NUP210: variants seen among roughly 807,000 people sequenced by gnomAD.
NUP210 encodes the protein nuclear pore membrane glycoprotein 210.
Under a neutral mutation model 196.0 loss-of-function variants are expected in NUP210, and 151 were observed. The ratio of observed to expected loss-of-function variants is 0.77; its 90% CI spans 0.67 to 0.88. The LOEUF is 0.88. NUP210 is among the 40% of genes least tolerant of loss of function. The pLI, the probability that NUP210 is intolerant of heterozygous loss-of-function variation, is 0.00. For synonymous variants in NUP210, 1,070 were observed against 1,052.7 expected, an observed-to-expected ratio of 1.02 and a Z score of -0.32; for missense variants, 2,314 against 2,493.7, an observed-to-expected ratio of 0.93 and a Z score of 1.53.
chr3:13,337,818 G>C lies in NUP210; in HGVS notation c.3552+19C>G. 4 of 1,599,490 alleles carry C rather than the reference G, an allele frequency of 2.5e-6. No homozygotes were observed. The highest frequency in any genetic ancestry group is 3.3e-4 in the Middle Eastern group (2 of 6,024). On this transcript the variant is annotated intron_variant, in intron 26 of 39. Coordinates refer to ENST00000254508, the MANE Select transcript of NUP210 (RefSeq NM_024923.4). ...GGCTCTTCGGGAACCAGGATTCAGA[G>C]CCCAGGAGGTCCCCTCACCTGGGTG...
At chr3:13,406,765 CCTT>C (rs937220666) in intron 1 of NUP210, among the ~76,000 whole-genome samples, 12 of 152,342 alleles carry the variant, frequency 7.9e-5, no homozygotes, top group Middle Eastern at 3.4e-3. Context: ...GCACACCTGT[CCTT>C]CTTCTCTGCA....
intron 15 of NUP210, among the ~76,000 whole-genome samples, chr3:13,358,756 G>A (rs1447613667): frequency 1.3e-5 from 2 of 152,212 alleles, no homozygotes; most frequent in Non-Finnish European, 2.9e-5. Flanking sequence ...CCATATGGAG[G>A]TGAAAACACC....
Position 13,330,532 on chromosome 3 carries a change from G to A in NUP210, c.4038C>T (p.Ile1346=), listed in dbSNP as rs138639381. ...EKGFLASGSM[I]GTSTIEVIAQ... is the part of the protein sequence containing the mutation. ...CAATCACTTCGATGGTGGATGTCCCGATCATAGACCCTGATGCTAGAAAGC... is the reference window on the plus strand; with the variant it reads ...CAATCACTTCGATGGTGGATGTCCCAATCATAGACCCTGATGCTAGAAAGC... Residue 1346 remains isoleucine, a synonymous_variant, in exon 30 of 40, where the codon ATC becomes ATT. Coordinates refer to ENST00000254508, the MANE Select transcript of NUP210 (RefSeq NM_024923.4). 4,240 of 1,614,192 alleles carry A rather than the reference G, an allele frequency of 2.6e-3. 15 individuals are homozygous for A. The highest frequency in any genetic ancestry group is 2.7e-3 in the Non-Finnish European group (3,185 of 1,180,020).
intron 1 of NUP210, among the ~76,000 whole-genome samples, chr3:13,414,243 G>A (rs374384329): frequency 3.9e-5 from 6 of 152,388 alleles, no homozygotes; most frequent in East Asian, 1.9e-4. Flanking sequence ...CCCTAACGGT[G>A]CCCAAAGGCA....
Position 13,402,259 on chromosome 3 carries a change from G to C in NUP210, c.168-2398C>G, listed in dbSNP as rs1021825671. ...AAAGAATAAAGAAAATAAAGTCTAT[G>C]GGGGGAAAAGAGAATTCATCATTTC... On this transcript the variant is annotated intron_variant, in intron 1 of 39. Coordinates refer to ENST00000254508, the MANE Select transcript of NUP210 (RefSeq NM_024923.4). Among the ~76,000 whole-genome samples, 4 of 152,112 alleles carry C rather than the reference G, an allele frequency of 2.6e-5. 1 individual carries two copies. The highest frequency in any genetic ancestry group is 4.1e-4 in the South Asian group (2 of 4,822).
At chr3:13,318,318 C>T (rs1370595387) in intron 39 of NUP210, among the ~76,000 whole-genome samples, 6 of 152,138 alleles carry the variant, frequency 3.9e-5, no homozygotes, top group Non-Finnish European at 5.9e-5. Flanking sequence ...CCCTGGGTGC[C>T]GCTTTGCAGG....
rs771819748 is a variant in NUP210 at position 13,340,287 on chromosome 3, C to T, written c.3240G>A (p.Pro1080=). The part of the protein sequence containing the change: ...SAPQQIEVFP[P]FRLMPRKVTL... ...TCACCTTCCTGGGCATCAGCCTGAA[C>T]GGGGGAAAGACCTGTTGAGAGACAC... Residue 1080 remains proline, a synonymous_variant, in exon 24 of 40, where the codon CCG becomes CCA. Transcript: ENST00000254508. The surrounding 1 kb of genome is among the most constrained non-coding windows in gnomAD (Gnocchi z 4.0). 38 of 1,613,262 alleles carry T rather than the reference C, an allele frequency of 2.4e-5. No homozygotes were observed. The Middle Eastern group carries it at 4.9e-4, about 21-fold the overall frequency.
At chr3:13,415,513 TG>T (rs1382406422) in intron 1 of NUP210, among the ~76,000 whole-genome samples, 5 of 152,090 alleles carry the variant, frequency 3.3e-5, no homozygotes, top group Admixed American at 3.3e-4. Context: ...CCTAGGTGTG[TG>T]GGGATGCAGC....
intron 11 of NUP210, among the ~76,000 whole-genome samples, chr3:13,374,590 A>G (rs1176723533): frequency 6.6e-6 from 1 of 152,044 alleles, no homozygotes; most frequent in Admixed American, 6.5e-5. Context: ...ACACACGCCC[A>G]TGACAGAGGC....
chr3:13,338,321 C>T (rs1261688577), intron 25 of NUP210, among the ~76,000 whole-genome samples: 3 of 152,218 alleles, frequency 2.0e-5, no homozygotes, highest in Non-Finnish European at 4.4e-5. Flanking sequence ...GGTACAGGGA[C>T]GAATGCAGGA....
chr3:13,388,189 CA>C (rs1699348890), intron 5 of NUP210, 113 bp downstream of exon 5: 6 of 729,206 alleles, frequency 8.2e-6, no homozygotes, highest in African/African-American at 1.8e-5. Flanking sequence ...CACGGGACAG[CA>C]TCTCACTTCC....
intron 21 of NUP210, 131 bp downstream of exon 21, chr3:13,343,044 A>G (rs558393554): frequency 9.0e-6 from 10 of 1,110,786 alleles, no homozygotes; most frequent in Non-Finnish European, 1.2e-5. Context: ...CAGCTCCGCA[A>G]GCTCACAGGG....
Position 13,316,991 on chromosome 3 carries a change from A to G in NUP210, c.*690T>C, listed in dbSNP as rs1486570462. The G allele has an allele frequency of 2.0e-5, 3 of 152,574 alleles. No individual in the cohort carries two copies. The highest frequency in any genetic ancestry group is 2.0e-4 in the Admixed American group (3 of 15,318). The allele number at this position is 152,574 out of a possible 1,614,324, so 9.5% of individuals were successfully genotyped here. ...CCATCAGATGTCTCAACGGCTTATG[A>G]AACAAAAACAGAGGACTGAAGTCTG... On this transcript the variant is annotated 3_prime_UTR_variant, in exon 40 of 40. Transcript: ENST00000254508.
Position 13,322,554 on chromosome 3 carries a change from G to A in NUP210, c.4769-215C>T, listed in dbSNP as rs895812262. On this transcript the variant is annotated intron_variant, in intron 34 of 39. Transcript: ENST00000254508. The stretch of plus-strand genomic sequence containing the variant: ...AAGAGGATGCCATCGGCATCACAGG[G>A]AGCTTCAAGTCAGAATTTCAGCATT... 1.2e-4 allele frequency among the ~76,000 whole-genome samples: 18 copies of A among 152,372 alleles called. 1 individual carries two copies. In the South Asian group the frequency reaches 3.5e-3, roughly 30 times the overall value.
intron 4 of NUP210, among the ~76,000 whole-genome samples, chr3:13,389,303 T>C (rs771577740): frequency 1.3e-5 from 2 of 152,192 alleles, no homozygotes; most frequent in Admixed American, 6.5e-5. Flanking sequence ...GAATGGGGTA[T>C]TGTCAGAAGG....
At chr3:13,386,428 G>A (rs1469691656) in intron 5 of NUP210, 21 bp from the exon 6 acceptor site, 3 of 1,613,752 alleles carry the variant, frequency 1.9e-6, no homozygotes, top group Non-Finnish European at 8.5e-7. Context: ...AGAAAAGGCA[G>A]ACAAAGTGAG....
chr3:13,420,051 G>T lies in NUP210; in HGVS notation c.167+9C>A. On this transcript the variant is annotated intron_variant, in intron 1 of 39. Coordinates refer to ENST00000254508, the MANE Select transcript of NUP210 (RefSeq NM_024923.4). The surrounding 1 kb of genome is among the most constrained non-coding windows in gnomAD (Gnocchi z 4.8). ...CACGGCGCCCGCCCGGCCCGGCCGC[G>T]CGCCTCACCAGCGGTAGCAGCCCTC... 1 of 1,276,214 alleles carries T rather than the reference G, an allele frequency of 7.8e-7. No individual in the cohort carries two copies. The allele number at this position is 1,276,214 out of a possible 1,614,324, so 79.1% of individuals were successfully genotyped here.
intron 28 of NUP210, 107 bp from the exon 29 acceptor site, chr3:13,332,491 G>C (rs1697037385): frequency 2.4e-6 from 2 of 845,968 alleles, no homozygotes; most frequent in Non-Finnish European, 2.0e-6. Context: ...CCAGAGAGGA[G>C]AAAAGCGGCT....
At chr3:13,399,065 G>A (rs1356430604) in intron 2 of NUP210, among the ~76,000 whole-genome samples, 2 of 152,056 alleles carry the variant, frequency 1.3e-5, no homozygotes, top group African/African-American at 4.8e-5. Flanking sequence ...TCAGGAGTTC[G>A]AGACCAGCCT....
Sources: allele counts gnomAD v4.1 joint callset (sites outside exome capture counted in the v4.1 genomes callset), GRCh38; gene constraint gnomAD v4.1.1; non-coding constraint Gnocchi (gnomAD v3.1); transcripts MANE v1.5; gene names NCBI Gene and HGNC (gene_info 2026-07-23, HGNC 2026-07-21).